The following PREX1 variants were observed in gnomAD, a reference collection of about 807,000 sequenced individuals.
PREX1 encodes the protein phosphatidylinositol-3,4,5-trisphosphate dependent Rac exchange factor 1.
In PREX1, 41 loss-of-function variants were observed where a neutral mutation model predicts 198.3. The observed-to-expected ratio is 0.21, with a 90% CI of 0.16 to 0.27. PREX1 has a LOEUF of 0.27. Ranked by LOEUF, PREX1 falls within the 10% of genes least tolerant of loss-of-function variation. PREX1 has a pLI of 1.00. For synonymous variants in PREX1, 843 were observed against 887.2 expected (o/e 0.95, Z 0.89); for missense variants, 1,620 against 2,200.7 (o/e 0.74, Z 5.28).
intron 14 of PREX1, 152 bp downstream of exon 14, chr20:48,676,041 A>C (rs2089706625): frequency 1.6e-6 from 1 of 628,432 alleles, no homozygotes; most frequent in Admixed American, 3.1e-5. Context: ...TGTCTCAAGA[A>C]AAAAAAAAAA....
intron 1 of PREX1, among the ~76,000 whole-genome samples, chr20:48,792,918 T>C (rs763764797): frequency 5.3e-5 from 8 of 151,016 alleles, no homozygotes; most frequent in Non-Finnish European, 8.8e-5. Context: ...AGAAAGTACA[T>C]TAGTGGGCCA....
At chr20:48,658,280 G>T in intron 16 of PREX1, 52 bp from the exon 17 acceptor site, 1 of 1,581,774 alleles carries the variant, frequency 6.3e-7, no homozygotes, top group Non-Finnish European at 8.7e-7. Flanking sequence ...TGGGCCTACG[G>T]CCAGCCCCAC....
At chr20:48,644,080 G>A (rs576336619) in intron 27 of PREX1, among the ~76,000 whole-genome samples, 79 of 152,320 alleles carry the variant, frequency 5.2e-4, no homozygotes, top group African/African-American at 1.7e-3. Context: ...GTCAGCACAC[G>A]CATCACAACA....
intron 15 of PREX1, among the ~76,000 whole-genome samples, chr20:48,661,444 A>AAAAAATAT (rs1555832820): frequency 7.1e-4 from 35 of 49,586 alleles, no homozygotes; most frequent in Non-Finnish European, 8.8e-4. Context: ...AAAAAAAAAA[A>AAAAAATAT]ATATATATAT....
chr20:48,663,371 C>G (rs1474613542), intron 15 of PREX1, among the ~76,000 whole-genome samples: 1 of 152,218 alleles, frequency 6.6e-6, no homozygotes, highest in Admixed American at 6.5e-5. Flanking sequence ...GCTCAACAAA[C>G]TATGGCCCGG....
chr20:48,827,679 T>C lies in PREX1; in HGVS notation c.182A>G (p.Glu61Gly). ...LCVLNEILGT[E>G]RDYVGTLRFL... ...GCGCAAGGTGCCCACGTAGTCCCTCTCGGTGCCCAAGATCTCGTTGAGGAC... is the reference window on the plus strand; with the variant it reads ...GCGCAAGGTGCCCACGTAGTCCCTCCCGGTGCCCAAGATCTCGTTGAGGAC... Residue 61 changes from glutamate to glycine, a missense_variant, in exon 1 of 40, where the codon GAG (glutamate) becomes GGG (glycine). Glu to Gly is a moderately conservative substitution (Grantham distance 98, BLOSUM62 -2). Transcript: ENST00000371941. The surrounding 1 kb of genome is among the most constrained non-coding windows in gnomAD (Gnocchi z 4.1). 1 of 1,369,708 alleles carries C rather than the reference T, an allele frequency of 7.3e-7. No individual in the cohort carries two copies. The highest frequency in any genetic ancestry group is 9.5e-7 in the Non-Finnish European group (1 of 1,049,416). 84.8% of individuals were successfully genotyped at this position (1,369,708 alleles called of 1,614,324 possible).
chr20:48,730,482 C>T (rs1414122601), intron 4 of PREX1, among the ~76,000 whole-genome samples: 1 of 151,502 alleles, frequency 6.6e-6, no homozygotes, highest in East Asian at 1.9e-4. Context: ...ATAGACGATG[C>T]TAGAATAGGA....
the PREX1 span, among the ~76,000 whole-genome samples, chr20:48,864,835 G>A: frequency 6.6e-6 from 1 of 152,208 alleles, no homozygotes; most frequent in Non-Finnish European, 1.5e-5. Flanking sequence ...CTGTGGACCA[G>A]GGGGAAGGGC....
In PREX1 at chr20:48,673,729, G is replaced by A. The variant is rs57898827; in HGVS notation, c.1665+2464C>T. On this transcript the variant is annotated intron_variant, in intron 14 of 39. Coordinates refer to ENST00000371941, the MANE Select transcript of PREX1 (RefSeq NM_020820.4). ...TTTGTTTCCTGGTCTTACTGGTCTCGTGGTCCCCAAACCCTTGCACAATTT... is the reference window on the plus strand; with the variant it reads ...TTTGTTTCCTGGTCTTACTGGTCTCATGGTCCCCAAACCCTTGCACAATTT... 1.8e-3 allele frequency among the ~76,000 whole-genome samples: 280 copies of A among 152,242 alleles called. 1 individual carries two copies. Among genetic ancestry groups the A allele is most frequent in the African/African-American group, 6.2e-3 (257 of 41,528 alleles).
chr20:48,753,149 G>A (rs1168333164), intron 1 of PREX1, among the ~76,000 whole-genome samples: 1 of 152,164 alleles, frequency 6.6e-6, no homozygotes, highest in Non-Finnish European at 1.5e-5. Flanking sequence ...GACTGAGCAG[G>A]AAGCCACATC....
chr20:48,661,914 G>C (rs1175954789), intron 15 of PREX1, among the ~76,000 whole-genome samples: 1 of 152,174 alleles, frequency 6.6e-6, no homozygotes, highest in Non-Finnish European at 1.5e-5. Flanking sequence ...GACAAAGGTG[G>C]AAATCAAGGC....
chr20:48,679,275 G>T, intron 13 of PREX1, 85 bp downstream of exon 13: 1 of 1,190,434 alleles, frequency 8.4e-7, no homozygotes, highest in South Asian at 1.3e-5. Flanking sequence ...GGAGACTGGA[G>T]CTCAGAGAGG....
At chr20:48,627,759 G>A in intron 38 of PREX1, 102 bp downstream of exon 38, 1 of 1,392,460 alleles carries the variant, frequency 7.2e-7, no homozygotes. Flanking sequence ...GAAGGCTCAG[G>A]TCTGGGGCTG....
At chr20:48,706,588 CT>C (rs1421308323) in intron 6 of PREX1, among the ~76,000 whole-genome samples, 5 of 152,164 alleles carry the variant, frequency 3.3e-5, no homozygotes, top group Non-Finnish European at 2.9e-5. Flanking sequence ...GGCCATGCCC[CT>C]GTCTCCTCCG....
intron 15 of PREX1, among the ~76,000 whole-genome samples, chr20:48,663,729 G>T (rs997004602): frequency 3.3e-5 from 5 of 152,180 alleles, no homozygotes; most frequent in African/African-American, 1.2e-4. Flanking sequence ...CAGCCAAAAG[G>T]CCTTCTTGTG....
At chr20:48,883,124 G>A in the PREX1 span, among the ~76,000 whole-genome samples, 183 of 151,866 alleles carry the variant, frequency 1.2e-3, 4 homozygotes, top group South Asian at 0.022. Flanking sequence ...TAGTAGAGAC[G>A]GGGTTTCACC....
At chr20:48,837,585 C>T in the PREX1 span, among the ~76,000 whole-genome samples, 7 of 152,178 alleles carry the variant, frequency 4.6e-5, no homozygotes, top group African/African-American at 1.7e-4. Context: ...AACCAAATAC[C>T]TCACGTTCTC....
At position 48,649,365 on chromosome 20, in the gene PREX1, C is replaced by T. The variant is rs200097521; in HGVS notation, c.3240G>A (p.Leu1080=). The change falls in exon 25 of 40, where the codon CTG becomes CTA. Residue 1080 remains leucine (L), a synonymous_variant. Coordinates refer to ENST00000371941, the MANE Select transcript of PREX1 (RefSeq NM_020820.4). ...QEDREIQDAY[L]QLFTKLDVAL... is the part of the protein sequence containing the mutation. The stretch of plus-strand genomic sequence containing the variant: ...CCACATCCAGCTTGGTGAAGAGCTG[C>T]AGGTAGGCATCCTGGATCTCACGGT... 4.7e-5 allele frequency: 76 copies of T among 1,614,178 alleles called. No individual in the cohort carries two copies. The East Asian group carries it at 1.4e-3, about 29-fold the overall frequency.
At chr20:48,722,301 G>T (rs145920111) in intron 5 of PREX1, among the ~76,000 whole-genome samples, 1 of 152,190 alleles carries the variant, frequency 6.6e-6, no homozygotes, top group Non-Finnish European at 1.5e-5. Context: ...GCACCGACAC[G>T]CTCCAATGTG....
Sources: gnomAD v4.1 joint callset for allele counts (sites outside exome capture counted in the v4.1 genomes callset) on GRCh38, gnomAD v4.1.1 for gene constraint, Gnocchi (gnomAD v3.1) non-coding constraint, MANE v1.5 for transcripts, NCBI Gene and HGNC (gene_info 2026-07-23, HGNC 2026-07-21) for gene names.